The following MBP variants were observed in gnomAD, a reference collection of about 807,000 sequenced individuals.
MBP encodes the protein Golli-MBP.
MBP carries 16 observed loss-of-function variants against 35.8 expected under a neutral mutation model. The observed-to-expected ratio is 0.45, with a 90% CI of 0.30 to 0.68. The LOEUF (loss-of-function observed/expected upper bound fraction) is 0.68, where lower values mean the gene tolerates loss of function less well. Among genes scored for constraint, MBP ranks in the 30% least tolerant of loss-of-function variants. The pLI is 0.08. For synonymous variants in MBP, 143 were observed against 159.6 expected (o/e 0.90, Z 0.78); for missense variants, 380 against 404.7 (o/e 0.94, Z 0.52).
At chr18:77,092,633 C>T (rs927475182) in intron 2 of MBP, among the ~76,000 whole-genome samples, 4 of 152,142 alleles carry the variant, frequency 2.6e-5, no homozygotes, top group African/African-American at 9.7e-5. Context: ...CTGGCCTCCC[C>T]GCTGGCTGCC....
At chr18:77,027,683 G>GA (rs1292133166) in intron 3 of MBP, among the ~76,000 whole-genome samples, 4 of 152,114 alleles carry the variant, frequency 2.6e-5, no homozygotes, top group African/African-American at 9.7e-5. Context: ...TATTTTGACA[G>GA]AAAAAAATTA....
chr18:77,098,709 G>T (rs996124206), intron 2 of MBP, among the ~76,000 whole-genome samples: 1 of 152,178 alleles, frequency 6.6e-6, no homozygotes, highest in Non-Finnish European at 1.5e-5. Flanking sequence ...TACCGTAAGG[G>T]CTTGGGAGGG....
At chr18:76,998,483 G>A (rs1455636518) in intron 4 of MBP, among the ~76,000 whole-genome samples, 2 of 152,114 alleles carry the variant, frequency 1.3e-5, no homozygotes, top group East Asian at 3.9e-4. Context: ...AGTGACCCAG[G>A]CTCCCCGGAG....
intron 4 of MBP, among the ~76,000 whole-genome samples, chr18:76,997,900 T>A (rs1007765164): frequency 1.3e-5 from 2 of 151,942 alleles, no homozygotes; most frequent in Admixed American, 6.5e-5. Flanking sequence ...GCCAGGATGG[T>A]CTCGATCTCC....
chr18:76,992,898 A>G (rs558208424), intron 4 of MBP, among the ~76,000 whole-genome samples: 13 of 152,092 alleles, frequency 8.5e-5, no homozygotes, highest in Admixed American at 7.2e-4. Flanking sequence ...TTCCATGTGG[A>G]TGGGCTGTGC....
chr18:77,036,788 A>T (rs2923070), intron 3 of MBP, among the ~76,000 whole-genome samples: 173 of 136,572 alleles, frequency 1.3e-3, no homozygotes, highest in African/African-American at 4.5e-3. Flanking sequence ...TTTTGGAGAC[A>T]GAGCTGAGCA....
intron 3 of MBP, among the ~76,000 whole-genome samples, chr18:77,027,916 C>G (rs1972286430): frequency 6.6e-6 from 1 of 152,150 alleles, no homozygotes; most frequent in Non-Finnish European, 1.5e-5. Context: ...CTCAAACTTC[C>G]AGCCTCAAGC....
chr18:77,013,407 C>G (rs1296648837), intron 4 of MBP: 4 of 985,208 alleles, frequency 4.1e-6, no homozygotes, highest in African/African-American at 1.7e-5. Context: ...CATGGGATTA[C>G]AGAACACAGC....
intron 3 of MBP, among the ~76,000 whole-genome samples, chr18:77,045,349 T>C (rs1973194064): frequency 6.6e-6 from 1 of 152,200 alleles, no homozygotes; most frequent in African/African-American, 2.4e-5. Flanking sequence ...TAAAGACACT[T>C]GCATGCATCT....
At chr18:77,055,885 G>T (rs2144728326) in intron 3 of MBP, among the ~76,000 whole-genome samples, 1 of 152,348 alleles carries the variant, frequency 6.6e-6, no homozygotes, top group East Asian at 1.9e-4. Context: ...AGTGGTTCTA[G>T]AAACTTGCTT....
At position 77,045,475 on chromosome 18, in the gene MBP, C is replaced by T. The variant is rs375273113; in HGVS notation, c.139+20823G>A. Among the ~76,000 whole-genome samples the T allele has an allele frequency of 5.7e-4, 86 of 151,742 alleles. No individual in the cohort carries two copies. The East Asian group carries it at 0.013, about 23-fold the overall frequency. On this transcript the variant is annotated intron_variant, in intron 3 of 8. Coordinates refer to ENST00000355994, the MANE Select transcript of MBP (RefSeq NM_001025101.2). ...AACTGACCCGCTGCAGCGGCACCTG[C>T]CTGCACCAGGTCAGGGTCTCTGGAG...
intron 7 of MBP, chr18:76,986,111 C>T (rs564572564): frequency 4.0e-5 from 39 of 985,598 alleles, no homozygotes; most frequent in Admixed American, 3.1e-4. Flanking sequence ...TGTCCTCCCA[C>T]GGTGGGTGCA....
rs570922145 is a variant in MBP, at chr18:76,979,696, C to G, written c.*731G>C. 1.4e-5 allele frequency: 7 copies of G among 514,402 alleles called. 1 individual carries two copies. The East Asian group carries it at 2.4e-4, about 18-fold the overall frequency. 31.9% of individuals were successfully genotyped at this position (514,402 alleles called of 1,614,324 possible). On this transcript the variant is annotated 3_prime_UTR_variant, in exon 9 of 9. Transcript: ENST00000355994. ...TCCATCACCAAATCTCCAGGAAGAC[C>G]CTGTTTCCTATGTGAGGCCATTGCC...
At chr18:77,121,313 A>G in intron 1 of MBP, among the ~76,000 whole-genome samples, 1 of 141,834 alleles carries the variant, frequency 7.1e-6, no homozygotes, top group Non-Finnish European at 1.5e-5. Flanking sequence ...GTGTCTCAAA[A>G]AAAAAAAAAT....
chr18:77,119,907 A>T (rs1976837118), intron 1 of MBP, among the ~76,000 whole-genome samples: 1 of 152,118 alleles, frequency 6.6e-6, no homozygotes, highest in South Asian at 2.1e-4. Flanking sequence ...TCCCCAGGAG[A>T]CAGAGAGGGC....
Position 77,098,607 on chromosome 18 carries a change from G to T in MBP, c.51+6604C>A, listed in dbSNP as rs188134715. Reference sequence around the variant, plus strand: ...CTGTGTGTTGTCAGAGAAAATTCGTGGCAAGACAGCTTGATAAATGTCATG... The same window carrying T: ...CTGTGTGTTGTCAGAGAAAATTCGTTGCAAGACAGCTTGATAAATGTCATG... On this transcript the variant is annotated intron_variant, in intron 2 of 8. Transcript: ENST00000355994. Among the ~76,000 whole-genome samples the T allele has an allele frequency of 2.0e-5, 3 of 152,296 alleles. No homozygotes were observed. The East Asian group carries it at 5.8e-4, about 29-fold the overall frequency.
chr18:76,998,326 C>T (rs4890787), intron 4 of MBP, among the ~76,000 whole-genome samples: 38,982 of 93,760 alleles, frequency 0.42, 5,202 homozygotes, highest in Admixed American at 0.5. Context: ...CTGCGGCCCC[C>T]GTCAGAATCC....
At chr18:77,022,641 G>A (rs544152086) in intron 3 of MBP, among the ~76,000 whole-genome samples, 1 of 152,296 alleles carries the variant, frequency 6.6e-6, no homozygotes, top group Admixed American at 6.5e-5. Context: ...ATAAATTAAT[G>A]CAAATGTGAA....
chr18:77,068,600 A>C (rs1360136268), intron 2 of MBP, among the ~76,000 whole-genome samples: 1 of 152,174 alleles, frequency 6.6e-6, no homozygotes. Context: ...GCAGCCAATT[A>C]AGGTGTTCAC....
Sources: gnomAD v4.1 joint callset for allele counts (sites outside exome capture counted in the v4.1 genomes callset) on GRCh38, gnomAD v4.1.1 for gene constraint, MANE v1.5 for transcripts, NCBI Gene and HGNC (gene_info 2026-07-23, HGNC 2026-07-21) for gene names.